The following ST3GAL3 variants were observed in gnomAD, a reference collection of about 807,000 sequenced individuals.
ST3GAL3 encodes the protein CMP-N-acetylneuraminate-beta-1,4-galactoside alpha-2,3-sialyltransferase.
A neutral mutation model predicts 50.1 loss-of-function variants in ST3GAL3; 21 were observed. The ratio of observed to expected loss-of-function variants is 0.42; its 90% CI spans 0.30 to 0.60. ST3GAL3 has a LOEUF of 0.60. ST3GAL3 is among the 20% of genes least tolerant of loss of function. The pLI is 0.19. For missense variants in ST3GAL3, 353 were observed against 489.4 expected (o/e 0.72, Z 2.63); for synonymous variants, 183 against 190.0 (o/e 0.96, Z 0.30).
chr1:43,908,928 G>T (rs149832735), intron 9 of ST3GAL3, among the ~76,000 whole-genome samples: 1 of 152,074 alleles, frequency 6.6e-6, no homozygotes, highest in African/African-American at 2.4e-5. Flanking sequence ...CACTGCGCCC[G>T]GCCCTTGCCA....
At chr1:43,767,942 GA>G (rs1311033652) in intron 2 of ST3GAL3, among the ~76,000 whole-genome samples, 3 of 151,678 alleles carry the variant, frequency 2.0e-5, no homozygotes, top group Admixed American at 6.6e-5. Flanking sequence ...ACCGAAGGTT[GA>G]AAAAAATTAG....
intron 2 of ST3GAL3, among the ~76,000 whole-genome samples, chr1:43,745,618 T>C (rs1474151170): frequency 6.6e-6 from 1 of 152,228 alleles, no homozygotes; most frequent in African/African-American, 2.4e-5. Context: ...GTAGCTTTTC[T>C]ATGTTTAGAT....
At chr1:43,885,314 G>A (rs1466779389) in intron 5 of ST3GAL3, among the ~76,000 whole-genome samples, 4 of 152,160 alleles carry the variant, frequency 2.6e-5, no homozygotes, top group Non-Finnish European at 5.9e-5. Flanking sequence ...AAACTACTAG[G>A]CTGTAGGATC....
At chr1:43,731,297 C>T (rs947637896) in intron 1 of ST3GAL3, among the ~76,000 whole-genome samples, 9 of 152,030 alleles carry the variant, frequency 5.9e-5, no homozygotes, top group African/African-American at 1.7e-4. Context: ...CTGCAACCTC[C>T]GCCTGCTGGG....
At chr1:43,747,983 G>A (rs1684514371) in intron 2 of ST3GAL3, among the ~76,000 whole-genome samples, 1 of 151,968 alleles carries the variant, frequency 6.6e-6, no homozygotes, top group Admixed American at 6.6e-5. Context: ...CACATTGTTG[G>A]TTCCCCTGGT....
At chr1:43,813,108 C>A (rs2060760387) in intron 3 of ST3GAL3, among the ~76,000 whole-genome samples, 1 of 152,160 alleles carries the variant, frequency 6.6e-6, no homozygotes. Flanking sequence ...TATGCTCTTG[C>A]TTGGCCCCTG....
At chr1:43,780,619 G>C (rs1411987143) in intron 2 of ST3GAL3, among the ~76,000 whole-genome samples, 2 of 151,018 alleles carry the variant, frequency 1.3e-5, no homozygotes, top group African/African-American at 4.9e-5. Context: ...CTATCTTTTT[G>C]TTCTATATTG....
At position 43,930,239 on chromosome 1, in the gene ST3GAL3, C is replaced by T; in HGVS notation, c.*18C>T. 1 of 1,609,550 alleles carries T rather than the reference C, an allele frequency of 6.2e-7. No homozygotes were observed. Among genetic ancestry groups the T allele is most frequent in the South Asian group, 1.1e-5 (1 of 90,956 alleles). On this transcript the variant is annotated 3_prime_UTR_variant, in exon 12 of 12. Coordinates refer to ENST00000347631, the MANE Select transcript of ST3GAL3 (RefSeq NM_006279.5). ...GCATCTGAGTGGGCCCAGCACATGG[C>T]CATAGAGGCCCAGGCACCACCAGGA...
intron 9 of ST3GAL3, chr1:43,912,369 G>C (rs927250120): frequency 2.0e-5 from 3 of 152,096 alleles, no homozygotes; most frequent in Non-Finnish European, 2.9e-5. Context: ...CTTGCTTAGG[G>C]GTACAGAGTT....
At chr1:43,751,881 G>A (rs541119244) in intron 2 of ST3GAL3, among the ~76,000 whole-genome samples, 27 of 151,662 alleles carry the variant, frequency 1.8e-4, no homozygotes, top group Middle Eastern at 6.8e-3. Flanking sequence ...GTGCAGTGGC[G>A]CGATCTCGGC....
At chr1:43,814,413 C>A (rs925292162) in intron 3 of ST3GAL3, among the ~76,000 whole-genome samples, 2 of 152,196 alleles carry the variant, frequency 1.3e-5, no homozygotes, top group African/African-American at 4.8e-5. Flanking sequence ...TTTATGTAAT[C>A]TGATCTACTG....
At chr1:43,770,708 ACTGTTAACT>A (rs1308952259) in intron 2 of ST3GAL3, among the ~76,000 whole-genome samples, 1 of 152,126 alleles carries the variant, frequency 6.6e-6, no homozygotes, top group Non-Finnish European at 1.5e-5. Context: ...TTGTTGATTG[ACTGTTAACT>A]CTAGAAACAA....
chr1:43,926,996 T>C (rs1301581537), intron 11 of ST3GAL3, among the ~76,000 whole-genome samples: 1 of 152,120 alleles, frequency 6.6e-6, no homozygotes, highest in African/African-American at 2.4e-5. Context: ...CTCCACTGAT[T>C]CAAACATGTC....
chr1:43,791,099 T>C (rs894648349), intron 2 of ST3GAL3, among the ~76,000 whole-genome samples: 1 of 152,238 alleles, frequency 6.6e-6, no homozygotes, highest in Non-Finnish European at 1.5e-5. Context: ...TATTCCATTC[T>C]TGTTGGGTTT....
chr1:43,740,234 G>A (rs1301973115), intron 2 of ST3GAL3, among the ~76,000 whole-genome samples: 5 of 151,242 alleles, frequency 3.3e-5, no homozygotes, highest in Admixed American at 6.6e-5. Context: ...GTGGTGGCGC[G>A]CCCCTGTAGT....
intron 5 of ST3GAL3, among the ~76,000 whole-genome samples, chr1:43,883,622 A>T (rs577286637): frequency 6.6e-6 from 1 of 152,318 alleles, no homozygotes; most frequent in African/African-American, 2.4e-5. Context: ...GTCAGAATGC[A>T]CTTGCCTGCC....
chr1:43,753,503 A>G (rs930357989), intron 2 of ST3GAL3, among the ~76,000 whole-genome samples: 2 of 152,228 alleles, frequency 1.3e-5, no homozygotes, highest in African/African-American at 4.8e-5. Flanking sequence ...ACCCATCAGT[A>G]GGCTGTGGAC....
At chr1:43,744,429 C>T (rs985208711) in intron 2 of ST3GAL3, among the ~76,000 whole-genome samples, 37 of 151,828 alleles carry the variant, frequency 2.4e-4, no homozygotes, top group Admixed American at 1.9e-3. Context: ...TTTGTAGAGA[C>T]GGGATGTCAC....
At chr1:43,863,795 C>CG (rs2070642007) in intron 5 of ST3GAL3, among the ~76,000 whole-genome samples, 1 of 152,160 alleles carries the variant, frequency 6.6e-6, no homozygotes, top group Non-Finnish European at 1.5e-5. Flanking sequence ...TGTGGAGCAG[C>CG]GACCAGGCCT....
Sources: allele counts gnomAD v4.1 joint callset (sites outside exome capture counted in the v4.1 genomes callset), GRCh38; gene constraint gnomAD v4.1.1; transcripts MANE v1.5; gene names NCBI Gene and HGNC (gene_info 2026-07-23, HGNC 2026-07-21).